Variants in CDH12 observed in about 807,000 individuals in gnomAD.
The protein encoded by CDH12 is cadherin-12.
Under a neutral mutation model 74.1 loss-of-function variants are expected in CDH12, and 41 were observed. The ratio of observed to expected loss-of-function variants is 0.55; its 90% CI spans 0.43 to 0.72. The LOEUF is 0.72. CDH12 is among the 30% of genes least tolerant of loss of function. The pLI, the probability that CDH12 is intolerant of heterozygous loss-of-function variation, is 0.00. For synonymous variants in CDH12, 399 were observed against 355.0 expected (o/e 1.12, Z -1.39); for missense variants, 945 against 977.2 (o/e 0.97, Z 0.44).
intron 2 of CDH12, among the ~76,000 whole-genome samples, chr5:22,487,839 T>C (rs1037623827): frequency 2.6e-5 from 4 of 152,202 alleles, no homozygotes; most frequent in African/African-American, 9.6e-5. Context: ...AACTGAGAAC[T>C]GTGCTTAATA....
At chr5:22,742,264 C>T (rs180862525) in intron 1 of CDH12, among the ~76,000 whole-genome samples, 9 of 151,850 alleles carry the variant, frequency 5.9e-5, no homozygotes, top group Middle Eastern at 6.8e-3. Flanking sequence ...AAAAGACCTT[C>T]CAAGAAGAAA....
In CDH12 at chr5:22,488,887, GC is replaced by G. The variant is rs1235400793; in HGVS notation, c.-428+16382del. Among the ~76,000 whole-genome samples, 9 of 151,782 alleles carry G rather than the reference GC, an allele frequency of 5.9e-5. No individual in the cohort carries two copies. In the South Asian group the frequency reaches 1.7e-3, roughly 28 times the overall value. ...ATGTTGTCCCATGTGGCATGGCATGGCCCTGTTTCTAGAGAACTGTGAATGA... is the reference window on the plus strand; with the variant it reads ...ATGTTGTCCCATGTGGCATGGCATGGCCTGTTTCTAGAGAACTGTGAATGA... On this transcript the variant is annotated intron_variant, in intron 2 of 14. Transcript: ENST00000382254.
chr5:22,621,108 A>AC (rs1737947269), intron 1 of CDH12, among the ~76,000 whole-genome samples: 1 of 152,130 alleles, frequency 6.6e-6, no homozygotes, highest in African/African-American at 2.4e-5. Context: ...TCTAGAGACC[A>AC]CCTGTATTAC....
chr5:22,835,988 CAG>C (rs888335517), intron 1 of CDH12, among the ~76,000 whole-genome samples: 2 of 152,002 alleles, frequency 1.3e-5, no homozygotes, highest in Non-Finnish European at 2.9e-5. Flanking sequence ...CCTTTGTTCC[CAG>C]AGAGAGAGCA....
intron 1 of CDH12, among the ~76,000 whole-genome samples, chr5:22,779,067 A>T (rs1000724262): frequency 6.6e-6 from 1 of 152,062 alleles, no homozygotes; most frequent in Non-Finnish European, 1.5e-5. Flanking sequence ...TTTAAGGTTC[A>T]TTTTCTGTTT....
chr5:22,552,018 T>C (rs918202774), intron 1 of CDH12, among the ~76,000 whole-genome samples: 4 of 152,136 alleles, frequency 2.6e-5, no homozygotes, highest in African/African-American at 7.2e-5. Flanking sequence ...ATGTAAGTAA[T>C]ATACCTACAG....
chr5:22,294,998 A>G (rs932918981), intron 3 of CDH12, among the ~76,000 whole-genome samples: 1 of 152,098 alleles, frequency 6.6e-6, no homozygotes, highest in Non-Finnish European at 1.5e-5. Flanking sequence ...CCTAACTTCA[A>G]TAAGCACCAA....
At chr5:22,654,247 TCTTTCTCTTTCTTG>T (rs962846255) in intron 1 of CDH12, among the ~76,000 whole-genome samples, 5 of 151,724 alleles carry the variant, frequency 3.3e-5, no homozygotes, top group African/African-American at 1.2e-4. Context: ...TTTCTTTCTT[TCTTTCTCTTTCTTG>T]CTTTCTTTCT....
intron 3 of CDH12, among the ~76,000 whole-genome samples, chr5:22,291,588 A>C (rs532314422): frequency 6.6e-5 from 10 of 152,154 alleles, no homozygotes; most frequent in African/African-American, 2.4e-4. Context: ...GAAAGCAAGA[A>C]ACCAATCCTA....
chr5:22,767,122 T>C lies in CDH12; in HGVS notation c.-523+85936A>G, dbSNP rs1746556345. On this transcript the variant is annotated intron_variant, in intron 1 of 14. Transcript: ENST00000382254. The stretch of plus-strand genomic sequence containing the variant: ...AAAATAGATTATACTGAATCTAATG[T>C]TTGTGGATTTAAAAATCCACCTTGT... Among the ~76,000 whole-genome samples the C allele has an allele frequency of 2.0e-5, 3 of 152,080 alleles. No individual in the cohort carries two copies. The South Asian group carries it at 6.2e-4, about 31-fold the overall frequency.
In CDH12 at chr5:21,802,292, G is replaced by C. The variant is rs2149923260; in HGVS notation, c.1131C>G (p.Asp377Glu). The part of the protein sequence containing the change: ...DTATVKISVL[D>E]VDEPPVFSKP... ...TGCTGAAAACCGGTGGCTCATCTAC[G>C]TCCAGCACGCTGATCTTCACCGTAG... Residue 377 changes from aspartate to glutamate, a missense_variant, in exon 10 of 15, where the codon GAC (aspartate) becomes GAG (glutamate). Physicochemically the swap from Asp to Glu is conservative, Grantham distance 45 (BLOSUM62 2). Transcript: ENST00000382254. 6.2e-7 allele frequency: 1 copy of C among 1,613,790 alleles called. No homozygotes were observed. The highest frequency in any genetic ancestry group is 8.5e-7 in the Non-Finnish European group (1 of 1,179,948).
At chr5:22,822,651 A>G (rs548868431) in intron 1 of CDH12, among the ~76,000 whole-genome samples, 5 of 152,362 alleles carry the variant, frequency 3.3e-5, no homozygotes, top group East Asian at 3.9e-4. Context: ...ATCACTTGCT[A>G]TCAGAGAAAT....
intron 1 of CDH12, among the ~76,000 whole-genome samples, chr5:22,759,249 A>C (rs1746085518): frequency 6.6e-6 from 1 of 152,112 alleles, no homozygotes; most frequent in South Asian, 2.1e-4. Flanking sequence ...GCCACCACAC[A>C]TGTATTCTTT....
chr5:22,181,683 C>A (rs1034883099), intron 4 of CDH12, among the ~76,000 whole-genome samples: 48 of 152,178 alleles, frequency 3.2e-4, no homozygotes, highest in Non-Finnish European at 3.2e-4. Flanking sequence ...TACACAAAAG[C>A]AGACACTATC....
intron 9 of CDH12, among the ~76,000 whole-genome samples, chr5:21,803,757 A>G (rs1747267371): frequency 6.6e-6 from 1 of 151,996 alleles, no homozygotes; most frequent in African/African-American, 2.4e-5. Context: ...TTCAAGTCTG[A>G]CCCCAGTAAG....
At chr5:22,155,016 GCT>G (rs931423076) in intron 4 of CDH12, among the ~76,000 whole-genome samples, 6 of 152,218 alleles carry the variant, frequency 3.9e-5, no homozygotes, top group Non-Finnish European at 8.8e-5. Flanking sequence ...CTATCAGTCA[GCT>G]GGGAGTGACC....
At chr5:22,437,303 A>G (rs1163679767) in intron 2 of CDH12, among the ~76,000 whole-genome samples, 1 of 151,892 alleles carries the variant, frequency 6.6e-6, no homozygotes, top group Non-Finnish European at 1.5e-5. Flanking sequence ...ATAATAATCA[A>G]TTCACTCAAA....
At chr5:22,639,759 G>T (rs1298074031) in intron 1 of CDH12, among the ~76,000 whole-genome samples, 2 of 152,110 alleles carry the variant, frequency 1.3e-5, no homozygotes, top group East Asian at 3.9e-4. Flanking sequence ...GGTCTCTGGT[G>T]CTCAGGATGA....
At chr5:22,139,831 G>A (rs1257371019) in intron 4 of CDH12, among the ~76,000 whole-genome samples, 2 of 152,130 alleles carry the variant, frequency 1.3e-5, no homozygotes, top group African/African-American at 4.8e-5. Flanking sequence ...GAGCTGGAGA[G>A]CCATCAGTTG....
Sources: allele counts gnomAD v4.1 joint callset (sites outside exome capture counted in the v4.1 genomes callset), GRCh38; gene constraint gnomAD v4.1.1; transcripts MANE v1.5; gene names NCBI Gene and HGNC (gene_info 2026-07-23, HGNC 2026-07-21).